Variants in NBN observed in about 807,000 individuals in gnomAD.
NBN encodes the protein Nijmegen breakage syndrome 1 (nibrin).
Under a neutral mutation model 90.8 loss-of-function variants are expected in NBN, and 88 were observed. The observed-to-expected ratio is 0.97, with a 90% confidence interval of 0.82 to 1.16. The LOEUF is 1.16. Among genes scored for constraint, NBN ranks in the 50% most tolerant of loss-of-function variants. NBN has a pLI of 0.00. For missense variants in NBN, 894 were observed against 869.6 expected, an observed-to-expected ratio of 1.03 and a Z score of -0.35; for synonymous variants, 328 against 295.1, an observed-to-expected ratio of 1.11 and a Z score of -1.14.
At chr8:89,981,200 T>G (rs1812047424) in intron 3 of NBN, among the ~76,000 whole-genome samples, 175 bp downstream of exon 3, 2 of 152,204 alleles carry the variant, frequency 1.3e-5, no homozygotes, top group Non-Finnish European at 2.9e-5. Flanking sequence ...CCACTCAAAC[T>G]CTCATCACCG....
chr8:89,964,295 T>A, intron 8 of NBN, 115 bp downstream of exon 8: 1 of 1,214,176 alleles, frequency 8.2e-7, no homozygotes, highest in Non-Finnish European at 1.2e-6. Flanking sequence ...AATGGATGAA[T>A]TTTAAAACAT....
chr8:89,949,853 T>C (rs1157510606), intron 11 of NBN, among the ~76,000 whole-genome samples: 4 of 152,168 alleles, frequency 2.6e-5, no homozygotes, highest in Admixed American at 1.3e-4. Context: ...GTCACTTCTG[T>C]AGCTAAAAAA....
intron 15 of NBN, 30 bp from the exon 16 acceptor site, chr8:89,935,642 A>G: frequency 6.2e-7 from 1 of 1,601,776 alleles, no homozygotes; most frequent in Non-Finnish European, 8.5e-7. Flanking sequence ...GTTAAATGAT[A>G]TTTAGATAAG....
chr8:89,935,710 T>C (rs771472113), intron 15 of NBN, 98 bp from the exon 16 acceptor site: 9 of 1,452,332 alleles, frequency 6.2e-6, no homozygotes, highest in Non-Finnish European at 8.6e-6. Flanking sequence ...CTTTGGCAAA[T>C]AGGATGGGAA....
rs985274823 is a variant in NBN at position 89,933,482 on chromosome 8, C to T, written c.*2100G>A. On this transcript the variant is annotated 3_prime_UTR_variant, in exon 16 of 16. Transcript: ENST00000265433. ...ACAGAAAGTCCAGAAACAGATCCACCATTATGGTTAATTGATTTTTTACTA... is the reference window on the plus strand; with the variant it reads ...ACAGAAAGTCCAGAAACAGATCCACTATTATGGTTAATTGATTTTTTACTA... The T allele has an allele frequency of 2.6e-5, 6 of 229,700 alleles. No individual in the cohort carries two copies. Among genetic ancestry groups the T allele is most frequent in the Admixed American group, 5.7e-5 (1 of 17,648 alleles). The allele number at this position is 229,700 out of a possible 1,614,324, so 14.2% of individuals were successfully genotyped here. A position where few individuals can be genotyped will look rare whatever the true frequency, so the allele number is the denominator to read the frequency against.
intron 14 of NBN, among the ~76,000 whole-genome samples, chr8:89,940,955 G>C (rs1305246967): frequency 2.0e-5 from 3 of 152,108 alleles, no homozygotes; most frequent in Non-Finnish European, 4.4e-5. Context: ...TGGAAGCAGA[G>C]ACATTAAGTA....
chr8:89,937,256 G>C lies in NBN; in HGVS notation c.2185-181C>G, dbSNP rs891948017. On this transcript the variant is annotated intron_variant, in intron 14 of 15. Transcript: ENST00000265433. ...CCTCTATATTTTCAATCCATGCTAA[G>C]ATTATTACAAAAGAGCTCTAACTAA... is the stretch of plus-strand genomic sequence containing the variant. The C allele has an allele frequency of 9.8e-6, 6 of 610,890 alleles. No individual in the cohort carries two copies. In the Admixed American group the frequency reaches 1.4e-4, roughly 14 times the overall value. 37.8% of individuals were successfully genotyped at this position (610,890 alleles called of 1,614,324 possible). A position where few individuals can be genotyped will look rare whatever the true frequency, so the allele number is the denominator to read the frequency against.
At chr8:89,958,877 G>T in intron 8 of NBN, 23 bp from the exon 9 acceptor site, 1 of 1,612,622 alleles carries the variant, frequency 6.2e-7, no homozygotes, top group Non-Finnish European at 8.5e-7. Context: ...CAAGTAGAAA[G>T]AAAGAATCAC....
In NBN at chr8:89,975,480, G is replaced by A. The variant is rs375021069; in HGVS notation, c.584+2740C>T. Among the ~76,000 whole-genome samples the A allele has an allele frequency of 7.2e-5, 11 of 152,292 alleles. No homozygotes were observed. The East Asian group carries it at 2.1e-3, about 29-fold the overall frequency. On this transcript the variant is annotated intron_variant, in intron 5 of 15. Transcript: ENST00000265433. Reference sequence around the variant, plus strand: ...CAACAAGCACATCAAAATGGATCCAGATAGGTATAGGACTCTATTAAGGCA... The same window carrying A: ...CAACAAGCACATCAAAATGGATCCAAATAGGTATAGGACTCTATTAAGGCA...
chr8:89,940,075 TTTTTA>T (rs1390179981), intron 14 of NBN, among the ~76,000 whole-genome samples: 1 of 152,034 alleles, frequency 6.6e-6, no homozygotes, highest in African/African-American at 2.4e-5. Context: ...TGTTCTTTAA[TTTTTA>T]TTTTATTTAT....
At chr8:89,980,995 G>A in intron 3 of NBN, 102 bp from the exon 4 acceptor site, 2 of 1,009,236 alleles carry the variant, frequency 2.0e-6, no homozygotes, top group Non-Finnish European at 1.5e-6. Flanking sequence ...TACTGTTATT[G>A]TAACTTTTAT....
intron 5 of NBN, among the ~76,000 whole-genome samples, 184 bp from the exon 6 acceptor site, chr8:89,971,474 T>C (rs1269678518): frequency 6.6e-6 from 1 of 152,120 alleles, no homozygotes; most frequent in Non-Finnish European, 1.5e-5. Context: ...TTTCTAGAAA[T>C]ATGGTGGCAG....
chr8:89,972,145 G>A (rs537285762), intron 5 of NBN, among the ~76,000 whole-genome samples: 6 of 152,172 alleles, frequency 3.9e-5, no homozygotes, highest in African/African-American at 1.4e-4. Context: ...CATCCAACGT[G>A]GTAAAAACAC....
In NBN at chr8:89,981,412, C is replaced by T. The variant is rs61753720; in HGVS notation, c.283G>A (p.Asp95Asn). 3,652 of 1,614,012 alleles carry T rather than the reference C, an allele frequency of 2.3e-3. 4 individuals are homozygous for T. Among genetic ancestry groups the T allele is most frequent in the Non-Finnish European group, 2.8e-3 (3,265 of 1,179,938 alleles). Residue 95 changes from aspartate (D) to asparagine (N), a missense_variant, in exon 3 of 16, where the codon GAT becomes AAT. Coordinates refer to ENST00000265433, the MANE Select transcript of NBN (RefSeq NM_002485.5). ...CCAAACACTCCAAAAGTAATACCAT[C>T]CCCCGACTTCAAAGTTCGGGAAAAG... The part of the protein sequence containing the change: ...NGFSRTLKSG[D>N]GITFGVFGSK...
intron 10 of NBN, 27 bp from the exon 11 acceptor site, chr8:89,953,718 C>T: frequency 6.4e-7 from 1 of 1,561,852 alleles, no homozygotes; most frequent in Non-Finnish European, 8.7e-7. Context: ...AAGAAGAAAA[C>T]AAAACAAGAA....
intron 13 of NBN, among the ~76,000 whole-genome samples, chr8:89,944,708 C>T (rs895792722): frequency 6.6e-6 from 1 of 152,006 alleles, no homozygotes; most frequent in Non-Finnish European, 1.5e-5. Context: ...CTCCTGAGTA[C>T]CTGGGACTAC....
rs1810183362 is a variant in NBN, at chr8:89,946,225, A to C, written c.1985T>G (p.Leu662Arg). 6.3e-7 allele frequency: 1 copy of C among 1,592,246 alleles called. No individual in the cohort carries two copies. Among genetic ancestry groups the C allele is most frequent in the Admixed American group, 1.7e-5 (1 of 59,968 alleles). ...KKLLLTEFRS[L>R]VIKNSTSRNP... ...TCTGGAAGTAGAGTTTTTAATCACCAGTGATCTAAATTCAGTCAATAACAG... is the reference window on the plus strand; with the variant it reads ...TCTGGAAGTAGAGTTTTTAATCACCCGTGATCTAAATTCAGTCAATAACAG... The change falls in exon 13 of 16, where the codon CTG (leucine) becomes CGG (arginine). Residue 662 changes from leucine to arginine, a missense_variant. Coordinates refer to ENST00000265433, the MANE Select transcript of NBN (RefSeq NM_002485.5).
chr8:89,946,992 T>G (rs1362813521), intron 12 of NBN, among the ~76,000 whole-genome samples: 1 of 152,030 alleles, frequency 6.6e-6, no homozygotes, highest in Admixed American at 6.5e-5. Flanking sequence ...TTAACTGCTG[T>G]AACTACATAA....
At chr8:89,970,061 C>T (rs1318472873) in intron 7 of NBN, among the ~76,000 whole-genome samples, 1 of 152,042 alleles carries the variant, frequency 6.6e-6, no homozygotes, top group Non-Finnish European at 1.5e-5. Context: ...CCAGCCTGGC[C>T]TACATGGCAA....
Sources: gnomAD v4.1 joint callset for allele counts (sites outside exome capture counted in the v4.1 genomes callset) on GRCh38, gnomAD v4.1.1 for gene constraint, MANE v1.5 for transcripts, NCBI Gene and HGNC (gene_info 2026-07-23, HGNC 2026-07-21) for gene names.